The following NUP98 variants were observed in gnomAD, a reference collection of about 807,000 sequenced individuals.
NUP98 encodes nuclear pore complex protein Nup98-Nup96.
A neutral mutation model predicts 191.9 loss-of-function variants in NUP98; 26 were observed. The ratio of observed to expected loss-of-function variants is 0.14; its 90% confidence interval spans 0.10 to 0.19. The LOEUF (loss-of-function observed/expected upper bound fraction) is 0.19. Ranked by LOEUF, NUP98 falls within the 10% of genes least tolerant of loss-of-function variation. The pLI is 1.00. For missense variants in NUP98, 1,941 were observed against 2,178.8 expected (o/e 0.89, Z 2.17); for synonymous variants, 808 against 778.4 (o/e 1.04, Z -0.63).
At chr11:3,747,735 TAAG>T (rs1408589903) in intron 11 of NUP98, among the ~76,000 whole-genome samples, 1 of 152,144 alleles carries the variant, frequency 6.6e-6, no homozygotes, top group South Asian at 2.1e-4. Flanking sequence ...TCACTGAAAA[TAAG>T]AAGCTGCAGA....
chr11:3,694,220 A>C (rs2078423302), intron 26 of NUP98, among the ~76,000 whole-genome samples: 1 of 151,742 alleles, frequency 6.6e-6, no homozygotes. Context: ...AAAATACAAA[A>C]ATTAGCCAGG....
intron 31 of NUP98, among the ~76,000 whole-genome samples, chr11:3,678,055 G>T (rs1311084543): frequency 6.6e-6 from 1 of 150,766 alleles, no homozygotes; most frequent in Admixed American, 6.6e-5. Context: ...TGAGGCAGGA[G>T]AATTGTTTGA....
intron 7 of NUP98, among the ~76,000 whole-genome samples, chr11:3,770,949 GCC>G (rs1440050853): frequency 6.6e-6 from 1 of 152,012 alleles, no homozygotes; most frequent in Non-Finnish European, 1.5e-5. Flanking sequence ...TGCAACCTCT[GCC>G]TCCCAGGTTC....
intron 4 of NUP98, among the ~76,000 whole-genome samples, chr11:3,777,514 G>A (rs1452192980): frequency 4.0e-5 from 6 of 151,718 alleles, no homozygotes; most frequent in Non-Finnish European, 8.8e-5. Context: ...CCAACTACTC[G>A]GGAGGCTGAG....
At chr11:3,756,077 A>G (rs2080949676) in intron 10 of NUP98, among the ~76,000 whole-genome samples, 1 of 152,250 alleles carries the variant, frequency 6.6e-6, no homozygotes, top group Admixed American at 6.5e-5. Flanking sequence ...GCTATGCCAC[A>G]AAAATGGGGT....
At chr11:3,744,368 C>T (rs1589859138) in intron 12 of NUP98, 141 bp downstream of exon 12, 1 of 774,824 alleles carries the variant, frequency 1.3e-6, no homozygotes, top group Non-Finnish European at 1.9e-6. Flanking sequence ...TATTAATAAG[C>T]CCTTCTTTAC....
intron 29 of NUP98, among the ~76,000 whole-genome samples, chr11:3,684,974 A>G (rs1294918394): frequency 7.1e-6 from 1 of 140,694 alleles, no homozygotes; most frequent in East Asian, 2.1e-4. Context: ...AAAGTTGGAA[A>G]CCTCACTCTG....
chr11:3,739,475 G>A (rs180754849), intron 12 of NUP98, among the ~76,000 whole-genome samples: 1 of 152,194 alleles, frequency 6.6e-6, no homozygotes, highest in Admixed American at 6.5e-5. Context: ...TCGAACTCCT[G>A]ACCTCAGGTG....
At chr11:3,763,660 C>T (rs896496382) in intron 8 of NUP98, among the ~76,000 whole-genome samples, 1 of 152,094 alleles carries the variant, frequency 6.6e-6, no homozygotes, top group Non-Finnish European at 1.5e-5. Flanking sequence ...GTGATTCTCT[C>T]GCCTCAGCCT....
At chr11:3,795,547 T>C (rs16929761) in intron 1 of NUP98, among the ~76,000 whole-genome samples, 2,838 of 152,270 alleles carry the variant, frequency 0.019, 100 homozygotes, top group African/African-American at 0.065. Flanking sequence ...AGCCTCTCTA[T>C]TGACTACTGT....
At chr11:3,714,170 T>C (rs112663870) in intron 18 of NUP98, among the ~76,000 whole-genome samples, 175 bp from the exon 19 acceptor site, 2,291 of 152,292 alleles carry the variant, frequency 0.015, 47 homozygotes, top group African/African-American at 0.05. Context: ...AAGGAGTCAC[T>C]CCTACATTGA....
At chr11:3,742,153 TAAATG>T (rs2080306596) in intron 12 of NUP98, among the ~76,000 whole-genome samples, 1 of 152,038 alleles carries the variant, frequency 6.6e-6, no homozygotes, top group Non-Finnish European at 1.5e-5. Flanking sequence ...GTAACTGGGG[TAAATG>T]AAATGTTCTG....
At chr11:3,753,519 A>T in intron 10 of NUP98, 111 bp from the exon 11 acceptor site, 1 of 750,540 alleles carries the variant, frequency 1.3e-6, no homozygotes, top group Non-Finnish European at 2.2e-6. Context: ...CCTTTCAGTT[A>T]ATATTTAGGA....
chr11:3,777,755 G>A (rs891264799), intron 4 of NUP98, among the ~76,000 whole-genome samples: 1 of 151,906 alleles, frequency 6.6e-6, no homozygotes, highest in African/African-American at 2.4e-5. Context: ...TTTATCACTG[G>A]CAAACTGCTA....
At chr11:3,711,944 G>C (rs2079032298) in intron 20 of NUP98, 3 of 1,042,880 alleles carry the variant, frequency 2.9e-6, no homozygotes, top group Non-Finnish European at 3.5e-6. Context: ...CTGAGAGGTA[G>C]AGGATGCTTT....
chr11:3,757,099 A>C (rs2080987128), intron 10 of NUP98, among the ~76,000 whole-genome samples: 1 of 142,608 alleles, frequency 7.0e-6, no homozygotes, highest in African/African-American at 2.7e-5. Flanking sequence ...AAAAAAAAAT[A>C]TATATATATA....
chr11:3,771,832 T>C lies in NUP98; in HGVS notation c.700A>G (p.Thr234Ala). 6.2e-7 allele frequency: 1 copy of C among 1,614,168 alleles called. No individual in the cohort carries two copies. Among genetic ancestry groups the C allele is most frequent in the Non-Finnish European group, 8.5e-7 (1 of 1,180,040 alleles). ...CTGAAGAGTCCTGTTGCGCTGGAAG[T>C]GGCTGGAGAAGACCCAAACAAGCCA... ...TTGLFGSSPATSSATGLFSSS... is the reference protein window; with the variant it reads ...TTGLFGSSPAASSATGLFSSS... Residue 234 changes from threonine to alanine, a missense_variant, in exon 7 of 33, where the codon ACT becomes GCT. Physicochemically the swap from Thr to Ala is moderately conservative, Grantham distance 58. Around this residue, in one of 6 missense-constraint regions of NUP98, gnomAD observed 181 missense variants for 228.0 expected, o/e 0.79. Coordinates refer to ENST00000324932, the MANE Select transcript of NUP98 (RefSeq NM_016320.5).
At chr11:3,752,148 A>C (rs1306639794) in intron 11 of NUP98, among the ~76,000 whole-genome samples, 1 of 151,866 alleles carries the variant, frequency 6.6e-6, no homozygotes, top group African/African-American at 2.4e-5. Flanking sequence ...CATCTCAAAA[A>C]AAAAAAAGGG....
rs765115262 is a variant in NUP98, at chr11:3,763,027, C to T, written c.961G>A (p.Val321Ile). The change falls in exon 9 of 33, where the codon GTA becomes ATA. Residue 321 changes from valine (V) to isoleucine (I), a missense_variant. Physicochemically the swap from Val to Ile is conservative, Grantham distance 29. This residue lies in a region of NUP98 where 181 missense variants were observed against 228.0 expected (regional missense o/e 0.79). Transcript: ENST00000324932. The stretch of plus-strand genomic sequence containing the variant: ...CCTCCAGGCTGTGAGGCTTGGGTTA[C>T]TCCAAATAATCCCTGCAAAGAAGTT... ...PSTNTMGLFG[V>I]TQASQPGGLF... is the part of the protein sequence containing the mutation. 1.2e-5 allele frequency: 19 copies of T among 1,613,814 alleles called. No individual in the cohort carries two copies. Among genetic ancestry groups the T allele is most frequent in the Non-Finnish European group, 1.6e-5 (19 of 1,179,964 alleles).
Sources: gnomAD v4.1 joint callset for allele counts (sites outside exome capture counted in the v4.1 genomes callset) on GRCh38, gnomAD v4.1.1 for gene constraint, gnomAD v4.1.1 regional missense constraint, MANE v1.5 for transcripts, NCBI Gene and HGNC (gene_info 2026-07-23, HGNC 2026-07-21) for gene names.